Variants in EMB observed in about 807,000 individuals in gnomAD.
EMB encodes the protein embigin homolog.
In EMB, 31 loss-of-function variants were observed where a neutral mutation model predicts 41.4. The observed-to-expected ratio is 0.75, with a 90% CI of 0.56 to 1.01. The LOEUF (loss-of-function observed/expected upper bound fraction) is 1.01. Among genes scored for constraint, EMB ranks in the 50% least tolerant of loss-of-function variants. EMB has a pLI of 0.00. For synonymous variants in EMB, 137 were observed against 140.4 expected (o/e 0.98, Z 0.17); for missense variants, 379 against 388.3 (o/e 0.98, Z 0.20).
intron 2 of EMB, among the ~76,000 whole-genome samples, chr5:50,413,721 G>A (rs35858778): frequency 0.32 from 48,968 of 151,532 alleles, 8,201 homozygotes; most frequent in East Asian, 0.45. Flanking sequence ...GATTACAGGC[G>A]CCTGCCACCA....
chr5:50,422,073 A>C (rs1579735035), intron 2 of EMB, among the ~76,000 whole-genome samples: 1 of 152,346 alleles, frequency 6.6e-6, no homozygotes, highest in Middle Eastern at 3.4e-3. Context: ...TGTGAAAGAA[A>C]GTCCAAGAAA....
intron 2 of EMB, among the ~76,000 whole-genome samples, chr5:50,423,035 C>T (rs1221314010): frequency 6.6e-6 from 1 of 151,218 alleles, no homozygotes; most frequent in Non-Finnish European, 1.5e-5. Flanking sequence ...AATATATTAG[C>T]CAACTAGGGT....
chr5:50,401,235 C>T (rs1318822566), intron 7 of EMB, among the ~76,000 whole-genome samples: 1 of 151,900 alleles, frequency 6.6e-6, no homozygotes, highest in Non-Finnish European at 1.5e-5. Flanking sequence ...TTATTTTGTG[C>T]CCTTAACTTG....
Position 50,403,435 on chromosome 5 carries a change from AT to A in EMB, c.619del (p.Met207Ter). Reference protein sequence around the residue: ...GSVKVPVGVQMNKYVINGTYA... With the variant: ...GSVKVPVGVQXNKYVINGTYA... ...TGTTCCATTGATCACATATTTATTC[AT>A]TTGAACACCAACAGGAACCTAATAT... On this transcript the variant is annotated frameshift_variant, in exon 6 of 9. Coordinates refer to ENST00000303221, the MANE Select transcript of EMB (RefSeq NM_198449.3). LOFTEE classifies it high-confidence loss of function. The A allele has an allele frequency of 6.2e-7, 1 of 1,612,190 alleles. No homozygotes were observed. Among genetic ancestry groups the A allele is most frequent in the Non-Finnish European group, 8.5e-7 (1 of 1,178,816 alleles).
chr5:50,440,636 G>A (rs552720818), intron 1 of EMB, among the ~76,000 whole-genome samples: 1 of 151,918 alleles, frequency 6.6e-6, no homozygotes, highest in South Asian at 2.1e-4. Context: ...TCAAGAAAAG[G>A]GAGTAGGCCT....
chr5:50,440,945 C>A, intron 1 of EMB, 95 bp downstream of exon 1: 1 of 922,910 alleles, frequency 1.1e-6, no homozygotes, highest in Non-Finnish European at 1.5e-6. Context: ...TCCCCGCCAC[C>A]CTTGCCCGGC....
At chr5:50,439,963 A>ATAGG (rs1201015576) in intron 1 of EMB, among the ~76,000 whole-genome samples, 2 of 152,200 alleles carry the variant, frequency 1.3e-5, no homozygotes, top group Non-Finnish European at 2.9e-5. Flanking sequence ...GTTGGATGGA[A>ATAGG]TCCTTTCAAT....
chr5:50,415,241 A>G (rs1481814493), intron 2 of EMB, among the ~76,000 whole-genome samples: 2 of 152,092 alleles, frequency 1.3e-5, no homozygotes, highest in African/African-American at 2.4e-5. Flanking sequence ...GACCAGGTAA[A>G]TTATCTAATT....
intron 1 of EMB, among the ~76,000 whole-genome samples, chr5:50,438,740 C>T (rs1745846475): frequency 6.6e-6 from 1 of 151,996 alleles, no homozygotes; most frequent in Admixed American, 6.6e-5. Context: ...GGCTTAAATT[C>T]GATGCTAACT....
chr5:50,417,811 T>C (rs1745454508), intron 2 of EMB, among the ~76,000 whole-genome samples: 1 of 152,190 alleles, frequency 6.6e-6, no homozygotes, highest in African/African-American at 2.4e-5. Flanking sequence ...CCAGAAAACA[T>C]GAATGGCTTC....
chr5:50,438,793 C>T (rs1745847501), intron 1 of EMB, among the ~76,000 whole-genome samples: 1 of 152,066 alleles, frequency 6.6e-6, no homozygotes, highest in South Asian at 2.1e-4. Context: ...TTTTAGCTTA[C>T]GTGGAGCTAA....
chr5:50,406,366 G>A (rs1292612929), intron 4 of EMB, among the ~76,000 whole-genome samples: 18 of 151,632 alleles, frequency 1.2e-4, no homozygotes, highest in South Asian at 1.0e-3. Context: ...AGAGAACAGC[G>A]TAAGAAAGAA....
At chr5:50,427,507 T>TATC (rs1745639095) in intron 2 of EMB, among the ~76,000 whole-genome samples, 1 of 148,816 alleles carries the variant, frequency 6.7e-6, no homozygotes, top group Admixed American at 6.7e-5. Context: ...TTATTATTAT[T>TATC]ATATTATTAT....
rs1187994100 is a variant in EMB at position 50,428,116 on chromosome 5, TGCA to T, written c.196+25_196+27del. ...ATTGCTTAAACCCTTTTTTTCGAAT[TGCA>T]TTATTTGAAACATGATACATTTACC... On this transcript the variant is annotated intron_variant, in intron 2 of 8. Transcript: ENST00000303221. 22 of 1,510,434 alleles carry T rather than the reference TGCA, an allele frequency of 1.5e-5. No individual in the cohort carries two copies. The Admixed American group carries it at 1.7e-4, about 12-fold the overall frequency. The allele number at this position is 1,510,434 out of a possible 1,614,324, so 93.6% of individuals were successfully genotyped here.
chr5:50,428,110 TCGAA>T lies in EMB; in HGVS notation c.196+30_196+33del, dbSNP rs1451346467. 25 of 1,492,362 alleles carry T rather than the reference TCGAA, an allele frequency of 1.7e-5. No individual in the cohort carries two copies. The Admixed American group carries it at 2.8e-4, about 17-fold the overall frequency. The allele number at this position is 1,492,362 out of a possible 1,614,324, so 92.4% of individuals were successfully genotyped here. On this transcript the variant is annotated intron_variant, in intron 2 of 8. Transcript: ENST00000303221. ...AGAAAAATTGCTTAAACCCTTTTTT[TCGAA>T]TTGCATTATTTGAAACATGATACAT...
intron 1 of EMB, among the ~76,000 whole-genome samples, chr5:50,431,946 A>G (rs1450465493): frequency 6.6e-6 from 1 of 152,214 alleles, no homozygotes; most frequent in African/African-American, 2.4e-5. Flanking sequence ...TGTTTTTCAC[A>G]TATTATATTT....
upstream of EMB, chr5:50,443,026 T>G (rs1464654813): frequency 6.6e-6 from 1 of 151,766 alleles, no homozygotes; most frequent in Non-Finnish European, 1.5e-5. Flanking sequence ...TAATTCTCAT[T>G]TTGCTAAGCA....
intron 1 of EMB, among the ~76,000 whole-genome samples, chr5:50,432,806 C>T (rs985025378): frequency 2.3e-4 from 35 of 149,508 alleles, no homozygotes; most frequent in Admixed American, 1.6e-3. Context: ...GGGCCAGGCG[C>T]GGTGGCTCAC....
chr5:50,438,958 G>C (rs1362518556), intron 1 of EMB, among the ~76,000 whole-genome samples: 1 of 145,934 alleles, frequency 6.9e-6, no homozygotes, highest in African/African-American at 2.6e-5. Flanking sequence ...TAACCCTGAC[G>C]CCTATGGAAT....
Sources: allele counts gnomAD v4.1 joint callset (sites outside exome capture counted in the v4.1 genomes callset), GRCh38; gene constraint gnomAD v4.1.1; transcripts MANE v1.5; gene names NCBI Gene and HGNC (gene_info 2026-07-23, HGNC 2026-07-21).